GALNT17: variants seen among roughly 807,000 people sequenced by gnomAD.
GALNT17 encodes the protein polypeptide N-acetylgalactosaminyltransferase 17, also known as UDP-GalNAc:polypeptide N-acetylgalactosaminyltransferase-like 3.
GALNT17 carries 29 observed loss-of-function variants against 63.7 expected under a neutral mutation model. The ratio of observed to expected loss-of-function variants is 0.46; its 90% confidence interval spans 0.34 to 0.62. The LOEUF is 0.62. Among genes scored for constraint, GALNT17 ranks in the 20% least tolerant of loss-of-function variants. The pLI, the probability that GALNT17 is intolerant of heterozygous loss-of-function variation, is 0.01. For synonymous variants in GALNT17, 305 were observed against 318.3 expected (o/e 0.96, Z 0.45); for missense variants, 603 against 799.6 (o/e 0.75, Z 2.97).
chr7:71,385,846 C>T (rs1792933556), intron 2 of GALNT17, among the ~76,000 whole-genome samples: 1 of 152,112 alleles, frequency 6.6e-6, no homozygotes, highest in Non-Finnish European at 1.5e-5. Context: ...GTGCGCAGAT[C>T]GCTTGAGGTC....
rs546248751 is a variant in GALNT17, at chr7:71,220,994, T to C, written c.238+87954T>C. Among the ~76,000 whole-genome samples, 113 of 152,324 alleles carry C rather than the reference T, an allele frequency of 7.4e-4. 1 individual carries two copies. The highest frequency in any genetic ancestry group is 1.5e-3 in the Non-Finnish European group (99 of 68,022). Reference sequence around the variant, plus strand: ...TCAGTTTTCCTAGAGAGGAAACTTCTAGTATTCTGCTGGGAGTCTAGGCCT... The same window carrying C: ...TCAGTTTTCCTAGAGAGGAAACTTCCAGTATTCTGCTGGGAGTCTAGGCCT... On this transcript the variant is annotated intron_variant, in intron 1 of 10. Coordinates refer to ENST00000333538, the MANE Select transcript of GALNT17 (RefSeq NM_022479.3).
chr7:71,287,070 G>A (rs537889692), intron 1 of GALNT17, among the ~76,000 whole-genome samples: 23 of 151,438 alleles, frequency 1.5e-4, no homozygotes, highest in Admixed American at 4.6e-4. Flanking sequence ...GAGTTACTGC[G>A]TCCAGCTGCT....
rs148076994 is a variant in GALNT17, at chr7:71,161,041, A to G, written c.238+28001A>G. Among the ~76,000 whole-genome samples the G allele has an allele frequency of 2.1e-3, 322 of 152,004 alleles. 2 individuals carry two copies. Among genetic ancestry groups the G allele is most frequent in the African/African-American group, 6.1e-3 (251 of 41,442 alleles). ...TTTTCCGTAGAGATAGGGTCTTGCT[A>G]TGTTGCCCAGGTTGTTCTCGAACTC... On this transcript the variant is annotated intron_variant, in intron 1 of 10. Transcript: ENST00000333538.
At chr7:71,525,371 T>C (rs573958340) in intron 5 of GALNT17, among the ~76,000 whole-genome samples, 1 of 151,980 alleles carries the variant, frequency 6.6e-6, no homozygotes, top group African/African-American at 2.4e-5. Context: ...GTTTTTGTTT[T>C]TGTTTTTTGT....
intron 5 of GALNT17, among the ~76,000 whole-genome samples, chr7:71,515,674 T>G (rs1339679038): frequency 6.6e-6 from 1 of 152,152 alleles, no homozygotes; most frequent in Non-Finnish European, 1.5e-5. Flanking sequence ...ATTATCACCT[T>G]CCTCATTCAG....
chr7:71,275,163 T>C (rs1239673146), intron 1 of GALNT17, among the ~76,000 whole-genome samples: 1 of 152,172 alleles, frequency 6.6e-6, no homozygotes, highest in African/African-American at 2.4e-5. Context: ...AGTTTCCTCC[T>C]TGGTCAAGTA....
intron 1 of GALNT17, among the ~76,000 whole-genome samples, chr7:71,138,192 G>C (rs1328016458): frequency 6.6e-6 from 1 of 152,124 alleles, no homozygotes; most frequent in Non-Finnish European, 1.5e-5. Flanking sequence ...ACAAAAATCA[G>C]CTGGGCATGG....
In GALNT17 at chr7:71,276,451, T is replaced by C. The variant is rs1296960995; in HGVS notation, c.239-59099T>C. Reference sequence around the variant, plus strand: ...CAAATCTCACCTTGAATTGTAATAATCCCCACATGTCGTGGGAGGGACCCA... The same window carrying C: ...CAAATCTCACCTTGAATTGTAATAACCCCCACATGTCGTGGGAGGGACCCA... On this transcript the variant is annotated intron_variant, in intron 1 of 10. Coordinates refer to ENST00000333538, the MANE Select transcript of GALNT17 (RefSeq NM_022479.3). Among the ~76,000 whole-genome samples, 5 of 152,138 alleles carry C rather than the reference T, an allele frequency of 3.3e-5. No homozygotes were observed. The East Asian group carries it at 9.6e-4, about 29-fold the overall frequency.
intron 1 of GALNT17, among the ~76,000 whole-genome samples, chr7:71,201,180 G>A (rs552850869): frequency 2.0e-5 from 3 of 146,518 alleles, no homozygotes; most frequent in African/African-American, 5.1e-5. Flanking sequence ...TTATGTGTTC[G>A]TGTATGTGCA....
At chr7:71,226,654 A>G (rs1789685268) in intron 1 of GALNT17, among the ~76,000 whole-genome samples, 1 of 151,958 alleles carries the variant, frequency 6.6e-6, no homozygotes, top group Non-Finnish European at 1.5e-5. Flanking sequence ...TAATTTTTGT[A>G]TTTTTAGTAC....
intron 5 of GALNT17, among the ~76,000 whole-genome samples, chr7:71,514,058 G>A (rs945367291): frequency 2.0e-5 from 3 of 152,162 alleles, no homozygotes; most frequent in Admixed American, 2.0e-4. Flanking sequence ...AGCCGGGCAT[G>A]GTGGCATGTA....
intron 5 of GALNT17, among the ~76,000 whole-genome samples, 168 bp from the exon 6 acceptor site, chr7:71,571,117 C>A (rs1249841879): frequency 8.1e-6 from 1 of 124,138 alleles, no homozygotes; most frequent in Non-Finnish European, 1.6e-5. Flanking sequence ...GGCTGGAACC[C>A]AGTACATGCT....
At chr7:71,646,633 A>C (rs1284200169) in intron 6 of GALNT17, among the ~76,000 whole-genome samples, 1 of 152,202 alleles carries the variant, frequency 6.6e-6, no homozygotes, top group East Asian at 1.9e-4. Context: ...GGCTGTAACA[A>C]AAGCAAGTGA....
At chr7:71,298,880 A>G (rs1052405351) in intron 1 of GALNT17, among the ~76,000 whole-genome samples, 1 of 152,178 alleles carries the variant, frequency 6.6e-6, no homozygotes, top group Non-Finnish European at 1.5e-5. Context: ...TTAAAAAGTC[A>G]TAGCTGCCCG....
chr7:71,310,686 C>G (rs376896424), intron 1 of GALNT17, among the ~76,000 whole-genome samples: 7 of 152,312 alleles, frequency 4.6e-5, no homozygotes, highest in African/African-American at 1.7e-4. Context: ...TAGAAAAGGG[C>G]AGTCCTTTTT....
At chr7:71,616,625 T>G (rs1046151782) in intron 6 of GALNT17, among the ~76,000 whole-genome samples, 1 of 144,686 alleles carries the variant, frequency 6.9e-6, no homozygotes, top group Non-Finnish European at 1.5e-5. Flanking sequence ...TATTTTATAT[T>G]TATATGTAAT....
intron 1 of GALNT17, among the ~76,000 whole-genome samples, chr7:71,287,473 C>T (rs571625805): frequency 9.3e-4 from 141 of 152,144 alleles, no homozygotes; most frequent in African/African-American, 3.2e-3. Context: ...CGTCTCATAG[C>T]CAAATAGGAG....
chr7:71,357,840 T>G (rs1792316710), intron 2 of GALNT17, among the ~76,000 whole-genome samples: 1 of 152,150 alleles, frequency 6.6e-6, no homozygotes, highest in Non-Finnish European at 1.5e-5. Context: ...ATCAGGATTA[T>G]AACATGCACC....
chr7:71,187,314 G>T (rs575006125), intron 1 of GALNT17, among the ~76,000 whole-genome samples: 1 of 147,468 alleles, frequency 6.8e-6, no homozygotes, highest in African/African-American at 2.6e-5. Flanking sequence ...AGAGGTGGGC[G>T]TATTGCTGTG....
Sources: gnomAD v4.1 joint callset for allele counts (sites outside exome capture counted in the v4.1 genomes callset) on GRCh38, gnomAD v4.1.1 for gene constraint, MANE v1.5 for transcripts, NCBI Gene and HGNC (gene_info 2026-07-23, HGNC 2026-07-21) for gene names.